The following KCNJ3 variants were observed in gnomAD, a reference collection of about 807,000 sequenced individuals.
KCNJ3 encodes G protein-activated inward rectifier potassium channel 1.
Under a neutral mutation model 39.2 loss-of-function variants are expected in KCNJ3, and 4 were observed. The ratio of observed to expected loss-of-function variants is 0.10; its 90% CI spans 0.05 to 0.23. KCNJ3 has a LOEUF of 0.23. KCNJ3 is among the 10% of genes least tolerant of loss of function. KCNJ3 has a pLI of 1.00. For missense variants in KCNJ3, 276 were observed against 634.9 expected, an observed-to-expected ratio of 0.43 and a Z score of 6.08; for synonymous variants, 230 against 237.4, an observed-to-expected ratio of 0.97 and a Z score of 0.29.
intron 2 of KCNJ3, among the ~76,000 whole-genome samples, chr2:154,755,963 A>G (rs1050517148): frequency 6.6e-6 from 1 of 152,120 alleles, no homozygotes; most frequent in Non-Finnish European, 1.5e-5. Flanking sequence ...TTTCTGTTAC[A>G]TTTTAAATAT....
intron 2 of KCNJ3, among the ~76,000 whole-genome samples, chr2:154,779,271 T>C (rs1686391753): frequency 6.6e-6 from 1 of 151,734 alleles, no homozygotes; most frequent in South Asian, 2.1e-4. Flanking sequence ...GCAGATCTTG[T>C]GCAAACAAAT....
At chr2:154,765,180 C>T (rs576093664) in intron 2 of KCNJ3, among the ~76,000 whole-genome samples, 2 of 152,224 alleles carry the variant, frequency 1.3e-5, no homozygotes, top group East Asian at 3.9e-4. Context: ...AAGAAATTTG[C>T]CAAATGTCCC....
intron 2 of KCNJ3, among the ~76,000 whole-genome samples, chr2:154,821,188 T>C (rs1687166531): frequency 6.6e-6 from 1 of 152,148 alleles, no homozygotes; most frequent in Admixed American, 6.6e-5. Flanking sequence ...TCAGCACAAG[T>C]TGTCAGTCTC....
intron 2 of KCNJ3, among the ~76,000 whole-genome samples, chr2:154,739,574 C>T (rs974544048): frequency 5.3e-5 from 8 of 152,034 alleles, no homozygotes; most frequent in African/African-American, 9.7e-5. Context: ...TCCTACTCCC[C>T]AGAGACTCCC....
chr2:154,729,713 A>G (rs999293326), intron 2 of KCNJ3, among the ~76,000 whole-genome samples: 3 of 152,214 alleles, frequency 2.0e-5, no homozygotes, highest in Admixed American at 6.6e-5. Context: ...CTAAGATGCT[A>G]TATATAAAGC....
At position 154,787,563 on chromosome 2, in the gene KCNJ3, C is replaced by T. The variant is rs1013795700; in HGVS notation, c.920-67164C>T. Among the ~76,000 whole-genome samples, 38 of 152,034 alleles carry T rather than the reference C, an allele frequency of 2.5e-4. 1 individual carries two copies. The highest frequency in any genetic ancestry group is 7.4e-5 in the Non-Finnish European group (5 of 68,020). On this transcript the variant is annotated intron_variant, in intron 2 of 2. Transcript: ENST00000295101. The stretch of plus-strand genomic sequence containing the variant: ...CCAGCAATGCAGATCCATGTATTTA[C>T]CTCTTCTTATTCTTTCTGTTTTATC...
At chr2:154,719,910 C>A (rs1685240111) in intron 2 of KCNJ3, among the ~76,000 whole-genome samples, 1 of 152,050 alleles carries the variant, frequency 6.6e-6, no homozygotes, top group Non-Finnish European at 1.5e-5. Context: ...TTGACATTGC[C>A]TCAATTTGAT....
In KCNJ3 at chr2:154,854,738, C is replaced by A; in HGVS notation, c.931C>A (p.Gln311Lys). The change falls in exon 3 of 3, where the codon CAA (glutamine) becomes AAA (lysine). Residue 311 changes from glutamine to lysine, a missense_variant. Around this residue, in one of 4 missense-constraint regions of KCNJ3, gnomAD observed 77 missense variants for 200.0 expected, o/e 0.38. Coordinates refer to ENST00000295101, the MANE Select transcript of KCNJ3 (RefSeq NM_002239.4). ...GIVETTGMTC[Q>K]ARTSYTEDEV... ...CTCTTTTCTTGTAGGGATGACTTGTCAAGCTCGAACATCATATACTGAAGA... is the reference window on the plus strand; with the variant it reads ...CTCTTTTCTTGTAGGGATGACTTGTAAAGCTCGAACATCATATACTGAAGA... 6.2e-7 allele frequency: 1 copy of A among 1,603,172 alleles called. No homozygotes were observed. The highest frequency in any genetic ancestry group is 1.1e-5 in the South Asian group (1 of 90,350).
intron 2 of KCNJ3, 56 bp from the exon 3 acceptor site, chr2:154,854,671 C>CT: frequency 7.4e-7 from 1 of 1,351,972 alleles, no homozygotes; most frequent in Non-Finnish European, 1.0e-6. Context: ...GCCAAACCGG[C>CT]TTTACATGTG....
At chr2:154,787,784 A>C (rs970265139) in intron 2 of KCNJ3, among the ~76,000 whole-genome samples, 2 of 152,096 alleles carry the variant, frequency 1.3e-5, no homozygotes, top group African/African-American at 4.8e-5. Context: ...ACTGGAATGC[A>C]ACTTTTTTTT....
chr2:154,821,379 C>T (rs1194724245), intron 2 of KCNJ3, among the ~76,000 whole-genome samples: 5 of 152,166 alleles, frequency 3.3e-5, no homozygotes, highest in Non-Finnish European at 7.3e-5. Flanking sequence ...TACTAGGCAA[C>T]TATTAGAAAA....
intron 2 of KCNJ3, among the ~76,000 whole-genome samples, chr2:154,836,343 C>T (rs1307656648): frequency 4.0e-5 from 6 of 151,244 alleles, no homozygotes; most frequent in Non-Finnish European, 8.8e-5. Context: ...CTGAAAATGT[C>T]AATTTTAAGG....
At chr2:154,725,996 C>G (rs1030089457) in intron 2 of KCNJ3, among the ~76,000 whole-genome samples, 1 of 152,054 alleles carries the variant, frequency 6.6e-6, no homozygotes, top group African/African-American at 2.4e-5. Flanking sequence ...AGACCTGAAA[C>G]CATAAAAATT....
intron 2 of KCNJ3, among the ~76,000 whole-genome samples, chr2:154,785,577 G>A (rs540639779): frequency 2.6e-5 from 4 of 152,126 alleles, no homozygotes; most frequent in Non-Finnish European, 4.4e-5. Context: ...CCTGGTAAAA[G>A]GTTCATCGGC....
rs193279057 is a variant in KCNJ3, at chr2:154,815,907, C to T, written c.920-38820C>T. 2.7e-3 allele frequency among the ~76,000 whole-genome samples: 404 copies of T among 152,264 alleles called. 1 individual carries two copies. Among genetic ancestry groups the T allele is most frequent in the South Asian group, 6.2e-3 (30 of 4,818 alleles). On this transcript the variant is annotated intron_variant, in intron 2 of 2. Transcript: ENST00000295101. ...TTTCCTTGTTCCCTTTATTTACGTA[C>T]CTACTCATCAGGGAAGTGTTTCTTG...
At chr2:154,708,007 C>T (rs891791788) in intron 1 of KCNJ3, among the ~76,000 whole-genome samples, 3 of 152,070 alleles carry the variant, frequency 2.0e-5, no homozygotes, top group Admixed American at 1.3e-4. Context: ...GTCTTGGAAA[C>T]GCCTAGTTTT....
chr2:154,761,800 A>C (rs1172019890), intron 2 of KCNJ3, among the ~76,000 whole-genome samples: 1 of 152,182 alleles, frequency 6.6e-6, no homozygotes, highest in Non-Finnish European at 1.5e-5. Flanking sequence ...GCTTTTTAAA[A>C]TTTACCTTTT....
chr2:154,837,813 AC>A (rs1687497186), intron 2 of KCNJ3, among the ~76,000 whole-genome samples: 1 of 152,080 alleles, frequency 6.6e-6, no homozygotes, highest in Non-Finnish European at 1.5e-5. Flanking sequence ...TTTTCCATCC[AC>A]CCCAGAATGT....
At chr2:154,792,082 C>CTGT (rs1686643228) in intron 2 of KCNJ3, among the ~76,000 whole-genome samples, 3 of 152,036 alleles carry the variant, frequency 2.0e-5, no homozygotes, top group African/African-American at 7.2e-5. Flanking sequence ...CAGTCCACTG[C>CTGT]CGTCATCTTG....
Sources: gnomAD v4.1 joint callset for allele counts (sites outside exome capture counted in the v4.1 genomes callset) on GRCh38, gnomAD v4.1.1 for gene constraint, gnomAD v4.1.1 regional missense constraint, MANE v1.5 for transcripts, NCBI Gene and HGNC (gene_info 2026-07-23, HGNC 2026-07-21) for gene names.